The following INVS variants were observed in gnomAD, a reference collection of about 807,000 sequenced individuals.
INVS encodes inversin, also known as inversion of embryo turning homolog.
Under a neutral mutation model 108.8 loss-of-function variants are expected in INVS, and 86 were observed. The ratio of observed to expected loss-of-function variants is 0.79; its 90% CI spans 0.66 to 0.95. The LOEUF is 0.95. INVS is among the 40% of genes least tolerant of loss of function. INVS has a pLI of 0.00. For missense variants in INVS, 1,169 were observed against 1,297.4 expected (o/e 0.90, Z 1.52); for synonymous variants, 455 against 473.5 (o/e 0.96, Z 0.51).
At chr9:100,202,488 G>C (rs925360612) in intron 3 of INVS, among the ~76,000 whole-genome samples, 1 of 152,196 alleles carries the variant, frequency 6.6e-6, no homozygotes, top group African/African-American at 2.4e-5. Context: ...GAGAATGATA[G>C]AGTTTCCTGT....
intron 12 of INVS, among the ~76,000 whole-genome samples, chr9:100,274,564 G>T (rs1453340088): frequency 6.6e-6 from 1 of 152,176 alleles, no homozygotes; most frequent in Non-Finnish European, 1.5e-5. Context: ...GAGTACAGTG[G>T]CATGATCGCC....
intron 1 of INVS, chr9:100,101,650 C>T (rs1229079576): frequency 1.3e-5 from 2 of 152,118 alleles, no homozygotes; most frequent in African/African-American, 4.8e-5. Context: ...TAATCCTTGT[C>T]GATGACAAGA....
chr9:100,115,272 A>G (rs1314611258), intron 2 of INVS, among the ~76,000 whole-genome samples: 1 of 150,112 alleles, frequency 6.7e-6, no homozygotes, highest in African/African-American at 2.5e-5. Flanking sequence ...CCACCGTTTA[A>G]TTTCTCTTTT....
At chr9:100,203,506 T>TTTTG in intron 3 of INVS, among the ~76,000 whole-genome samples, 1 of 148,966 alleles carries the variant, frequency 6.7e-6, no homozygotes, top group Admixed American at 6.6e-5. Flanking sequence ...GCTTCCTTTT[T>TTTTG]TTTTTTTTTT....
chr9:100,219,629 G>C (rs1007353268), intron 3 of INVS, among the ~76,000 whole-genome samples: 1 of 152,098 alleles, frequency 6.6e-6, no homozygotes, highest in South Asian at 2.1e-4. Flanking sequence ...GTACTTACCA[G>C]GAGATATGTA....
At chr9:100,210,439 T>C (rs749482270) in intron 3 of INVS, among the ~76,000 whole-genome samples, 64 of 152,142 alleles carry the variant, frequency 4.2e-4, no homozygotes, top group Non-Finnish European at 5.1e-4. Flanking sequence ...TCAAAGAAAT[T>C]GGGAGCAGGA....
chr9:100,167,785 A>T (rs185326237), intron 3 of INVS, among the ~76,000 whole-genome samples: 10 of 152,278 alleles, frequency 6.6e-5, no homozygotes, highest in Non-Finnish European at 1.3e-4. Context: ...TTGTTGAATG[A>T]ATGAGTGTAC....
At chr9:100,129,788 C>T (rs1661959321) in intron 3 of INVS, 1 of 637,416 alleles carries the variant, frequency 1.6e-6, no homozygotes, top group South Asian at 1.9e-5. Flanking sequence ...ATGACATTTT[C>T]CAAACTGGAA....
In INVS at chr9:100,142,946, C is replaced by T. The variant is rs1184143829; in HGVS notation, c.273+16397C>T. 3.3e-5 allele frequency among the ~76,000 whole-genome samples: 5 copies of T among 152,128 alleles called. No individual in the cohort carries two copies. In the South Asian group the frequency reaches 6.2e-4, roughly 19 times the overall value. ...AGGGATTGGGGTTTGGGAGATTAGC[C>T]GGAGACGATAATCAGGGAGAGCACG... On this transcript the variant is annotated intron_variant, in intron 3 of 16. Coordinates refer to ENST00000262457, the MANE Select transcript of INVS (RefSeq NM_014425.5).
At chr9:100,160,681 T>C (rs991666709) in intron 3 of INVS, among the ~76,000 whole-genome samples, 1 of 140,202 alleles carries the variant, frequency 7.1e-6, no homozygotes, top group African/African-American at 3.2e-5. Flanking sequence ...TAGCTTCCTT[T>C]GTTAATTTCC....
Position 100,252,310 on chromosome 9 carries a change from A to G in INVS, c.1106A>G (p.His369Arg), listed in dbSNP as rs1375444062. 17 of 1,613,982 alleles carry G rather than the reference A, an allele frequency of 1.1e-5. No individual in the cohort carries two copies. Among genetic ancestry groups the G allele is most frequent in the Non-Finnish European group, 1.4e-5 (16 of 1,179,966 alleles). ...TALHAAALSGHVSTVKLLLEN... is the reference protein window; with the variant it reads ...TALHAAALSGRVSTVKLLLEN... ...TTGCATGCTGCTGCTCTTTCTGGCC[A>G]TGTCAGCACCGTGAAGTTATTACTG... The change falls in exon 9 of 17, where the codon CAT becomes CGT. Residue 369 changes from histidine to arginine, a missense_variant. His to Arg is a conservative substitution (Grantham distance 29, BLOSUM62 0). Coordinates refer to ENST00000262457, the MANE Select transcript of INVS (RefSeq NM_014425.5).
intron 3 of INVS, among the ~76,000 whole-genome samples, chr9:100,129,302 C>T (rs1031758447): frequency 6.6e-6 from 1 of 151,766 alleles, no homozygotes; most frequent in Non-Finnish European, 1.5e-5. Context: ...GGCAACATGA[C>T]GAAACCCTGT....
intron 5 of INVS, among the ~76,000 whole-genome samples, chr9:100,234,845 T>C (rs1313466678): frequency 6.6e-6 from 1 of 152,182 alleles, no homozygotes; most frequent in Non-Finnish European, 1.5e-5. Flanking sequence ...ATTCTGTTGA[T>C]TTGGGGTGGA....
At chr9:100,157,368 C>T (rs765723385) in intron 3 of INVS, among the ~76,000 whole-genome samples, 7 of 150,306 alleles carry the variant, frequency 4.7e-5, no homozygotes, top group Non-Finnish European at 8.8e-5. Flanking sequence ...GGGTTCACGC[C>T]ATTCTCCTGC....
intron 3 of INVS, among the ~76,000 whole-genome samples, chr9:100,210,853 A>G (rs1027491767): frequency 2.6e-5 from 4 of 151,988 alleles, no homozygotes; most frequent in Non-Finnish European, 5.9e-5. Context: ...AAGAAATATT[A>G]ATTCCAAAGT....
chr9:100,149,998 A>G (rs1161037654), intron 3 of INVS, among the ~76,000 whole-genome samples: 1 of 152,104 alleles, frequency 6.6e-6, no homozygotes, highest in African/African-American at 2.4e-5. Context: ...AAATTTACAT[A>G]CTTTCCTAAA....
intron 3 of INVS, among the ~76,000 whole-genome samples, chr9:100,149,043 C>T (rs846765): frequency 0.69 from 104,422 of 151,144 alleles, 37,185 homozygotes; most frequent in East Asian, 0.91. Context: ...GACATGTTCA[C>T]TGTAGCAAAA....
At chr9:100,149,690 T>C (rs941889466) in intron 3 of INVS, among the ~76,000 whole-genome samples, 7 of 152,208 alleles carry the variant, frequency 4.6e-5, no homozygotes, top group Admixed American at 3.3e-4. Flanking sequence ...ATAGTTTATG[T>C]ACTTCTATTT....
intron 2 of INVS, chr9:100,120,691 C>G (rs1413846250): frequency 6.6e-6 from 1 of 152,202 alleles, no homozygotes; most frequent in Non-Finnish European, 1.5e-5. Context: ...CCTGGAAGGT[C>G]TTTGCTTTTC....
Sources: allele counts gnomAD v4.1 joint callset (sites outside exome capture counted in the v4.1 genomes callset), GRCh38; gene constraint gnomAD v4.1.1; transcripts MANE v1.5; gene names NCBI Gene and HGNC (gene_info 2026-07-23, HGNC 2026-07-21).